EPN2: variants seen among roughly 807,000 people sequenced by gnomAD.
EPN2 encodes the protein epsin 2.
A neutral mutation model predicts 61.7 loss-of-function variants in EPN2; 34 were observed. The ratio of observed to expected loss-of-function variants is 0.55; its 90% CI spans 0.42 to 0.73. EPN2 has a LOEUF of 0.73. EPN2 is among the 30% of genes least tolerant of loss of function. The pLI, the probability that EPN2 is intolerant of heterozygous loss-of-function variation, is 0.00. For synonymous variants in EPN2, 349 were observed against 353.6 expected (o/e 0.99, Z 0.15); for missense variants, 714 against 839.2 (o/e 0.85, Z 1.84).
chr17:19,278,924 A>G (rs111781861), intron 1 of EPN2, among the ~76,000 whole-genome samples: 11 of 152,248 alleles, frequency 7.2e-5, no homozygotes, highest in Non-Finnish European at 1.6e-4. Context: ...GTCATGAACC[A>G]CCGTGCCCGG....
At position 19,334,327 on chromosome 17, in the gene EPN2, G is replaced by A; in HGVS notation, c.*73G>A. The A allele has an allele frequency of 7.9e-7, 1 of 1,273,358 alleles. No homozygotes were observed. Among genetic ancestry groups the A allele is most frequent in the Non-Finnish European group, 1.0e-6 (1 of 974,518 alleles). The allele number at this position is 1,273,358 out of a possible 1,614,324, so 78.9% of individuals were successfully genotyped here. On this transcript the variant is annotated 3_prime_UTR_variant, in exon 11 of 11. Transcript: ENST00000314728. This position sits in a 1 kb window ranked among gnomAD's most constrained non-coding sequence, Gnocchi z 4.9. ...AGCAGGGACTCTCGTCTGTGGGACG[G>A]GATCCAAGAGTTTGGGGATTAGGGG... is the stretch of plus-strand genomic sequence containing the variant.
intron 4 of EPN2, among the ~76,000 whole-genome samples, chr17:19,289,260 A>G (rs1315398687): frequency 6.6e-6 from 1 of 151,392 alleles, no homozygotes; most frequent in African/African-American, 2.4e-5. Flanking sequence ...AATTTTTTGT[A>G]TTTTTAGTAG....
At chr17:19,327,169 C>T (rs934708374) in intron 7 of EPN2, among the ~76,000 whole-genome samples, 1 of 152,088 alleles carries the variant, frequency 6.6e-6, no homozygotes, top group African/African-American at 2.4e-5. Flanking sequence ...TACCCATGAC[C>T]CAGCAACTCG....
At chr17:19,256,512 G>A (rs1169917182) in intron 1 of EPN2, among the ~76,000 whole-genome samples, 1 of 151,466 alleles carries the variant, frequency 6.6e-6, no homozygotes, top group Non-Finnish European at 1.5e-5. Flanking sequence ...TGTCTTTTTA[G>A]CATCAAGGCA....
At chr17:19,327,217 C>T (rs73980004) in intron 7 of EPN2, among the ~76,000 whole-genome samples, 5,034 of 152,182 alleles carry the variant, frequency 0.033, 286 homozygotes, top group African/African-American at 0.11. Flanking sequence ...CAAAACCAAA[C>T]GAGTATCCTT....
In EPN2 at chr17:19,312,045, T is replaced by G. The variant is rs749566908; in HGVS notation, c.880-7T>G. ...TACAATTACCAGTTTGCATTGTCCC[T>G]CTACAGGAAGAACGCCTCAGGCGGG... On this transcript the variant is annotated splice_region_variant and splice_polypyrimidine_tract_variant and intron_variant, in intron 5 of 10. Coordinates refer to ENST00000314728, the MANE Select transcript of EPN2 (RefSeq NM_014964.5). The G allele has an allele frequency of 2.5e-6, 4 of 1,605,782 alleles. No individual in the cohort carries two copies. Among genetic ancestry groups the G allele is most frequent in the African/African-American group, 1.3e-5 (1 of 74,900 alleles).
At chr17:19,287,787 C>T (rs896206586) in intron 4 of EPN2, among the ~76,000 whole-genome samples, 4 of 152,102 alleles carry the variant, frequency 2.6e-5, no homozygotes, top group East Asian at 1.9e-4. Flanking sequence ...CAGCCACAGC[C>T]GGGAAGGCCT....
chr17:19,329,615 A>T lies in EPN2; in HGVS notation c.1379A>T (p.Glu460Val), dbSNP rs766053694. Residue 460 changes from glutamate to valine, a missense_variant, in exon 9 of 11, where the codon GAA (glutamate) becomes GTA (valine). This residue lies in a region of EPN2 where 410 missense variants were observed against 421.8 expected (regional missense o/e 0.97). Transcript: ENST00000314728. ...GGTACAATTAAAGATGACTTTTCTGAATTTGACAACCTTCGGACTTCAAAA... is the reference window on the plus strand; with the variant it reads ...GGTACAATTAAAGATGACTTTTCTGTATTTGACAACCTTCGGACTTCAAAA... ...LNGTIKDDFS[E>V]FDNLRTSKKT... 1.9e-6 allele frequency: 3 copies of T among 1,613,270 alleles called. No homozygotes were observed. Among genetic ancestry groups the T allele is most frequent in the Non-Finnish European group, 2.5e-6 (3 of 1,179,252 alleles).
Position 19,331,934 on chromosome 17 carries a change from C to A in EPN2, c.1493C>A (p.Ala498Asp). 1 of 1,614,182 alleles carries A rather than the reference C, an allele frequency of 6.2e-7. No individual in the cohort carries two copies. The highest frequency in any genetic ancestry group is 1.1e-5 in the South Asian group (1 of 91,078). Residue 498 changes from alanine (A) to aspartate (D), a missense_variant, in exon 10 of 11, where the codon GCC (alanine) becomes GAC (aspartate). This residue lies in a region of EPN2 where 410 missense variants were observed against 421.8 expected (regional missense o/e 0.97). Transcript: ENST00000314728. ...DPFESQPLTVASSKPSSARKT... is the reference protein window; with the variant it reads ...DPFESQPLTVDSSKPSSARKT... ...TTTGAGTCTCAACCCCTGACTGTCG[C>A]CTCAAGCAAGCCCAGCAGTGCCCGG...
At chr17:19,248,142 G>A (rs915611847) in intron 1 of EPN2, among the ~76,000 whole-genome samples, 2 of 152,240 alleles carry the variant, frequency 1.3e-5, no homozygotes, top group African/African-American at 4.8e-5. Flanking sequence ...TTGAAGTAAT[G>A]TGGTGCGGGG....
chr17:19,269,109 A>C (rs891719102), intron 1 of EPN2, among the ~76,000 whole-genome samples: 1 of 152,224 alleles, frequency 6.6e-6, no homozygotes, highest in African/African-American at 2.4e-5. Flanking sequence ...GTTTGCACAT[A>C]TTCTCTTATA....
chr17:19,314,092 G>A (rs59972956), intron 7 of EPN2, among the ~76,000 whole-genome samples: 15 of 152,208 alleles, frequency 9.9e-5, no homozygotes, highest in African/African-American at 3.1e-4. Context: ...TGTTTAACTC[G>A]GTTCCCTAGA....
At position 19,285,164 on chromosome 17, in the gene EPN2, T is replaced by C. The variant is rs940557085; in HGVS notation, c.596-456T>C. ...CCTGTGACTGTGGCTGTGGCTTTGA[T>C]GCAGGCCAAGGGGAGCTGCCATTCT... On this transcript the variant is annotated intron_variant, in intron 3 of 10. Coordinates refer to ENST00000314728, the MANE Select transcript of EPN2 (RefSeq NM_014964.5). This position sits in a 1 kb window ranked among gnomAD's most constrained non-coding sequence, Gnocchi z 4.5. Among the ~76,000 whole-genome samples the C allele has an allele frequency of 3.3e-4, 50 of 152,372 alleles. No individual in the cohort carries two copies. Among genetic ancestry groups the C allele is most frequent in the Non-Finnish European group, 1.5e-4 (10 of 68,032 alleles).
At position 19,286,848 on chromosome 17, in the gene EPN2, G is replaced by A. The variant is rs145122466; in HGVS notation, c.766+1058G>A. Among the ~76,000 whole-genome samples the A allele has an allele frequency of 5.3e-4, 81 of 152,278 alleles. No individual in the cohort carries two copies. In the East Asian group the frequency reaches 0.01, roughly 20 times the overall value. On this transcript the variant is annotated intron_variant, in intron 4 of 10. Coordinates refer to ENST00000314728, the MANE Select transcript of EPN2 (RefSeq NM_014964.5). ...ACGTAAGGAAGGCCAGCTCTGCACTGTAAAGAATGTAAATGATAAAAGCAT... is the reference window on the plus strand; with the variant it reads ...ACGTAAGGAAGGCCAGCTCTGCACTATAAAGAATGTAAATGATAAAAGCAT...
intron 4 of EPN2, among the ~76,000 whole-genome samples, chr17:19,301,751 T>G (rs534809110): frequency 5.9e-5 from 9 of 152,342 alleles, no homozygotes; most frequent in Non-Finnish European, 1.0e-4. Context: ...TCGCCTCCTG[T>G]CAGAGCATAG....
rs749425402 is a variant in EPN2 at position 19,334,168 on chromosome 17, C to T, written c.1840C>T (p.Pro614Ser). 59 of 1,593,218 alleles carry T rather than the reference C, an allele frequency of 3.7e-5. No homozygotes were observed. Among genetic ancestry groups the T allele is most frequent in the Non-Finnish European group, 4.8e-5 (56 of 1,167,848 alleles). ...ATGSSLTPLG[P>S]AMMNMVGSVG... is the part of the protein sequence containing the mutation. ...TGGTTCCTCTCTGACACCACTGGGC[C>T]CTGCAATGATGAACATGGTGGGCAG... The change falls in exon 11 of 11, where the codon CCT (proline) becomes TCT (serine). Residue 614 changes from proline to serine, a missense_variant. Pro to Ser is a moderately conservative substitution (Grantham distance 74). Transcript: ENST00000314728. This position sits in a 1 kb window ranked among gnomAD's most constrained non-coding sequence, Gnocchi z 4.9.
At chr17:19,313,319 G>C (rs1024313685) in intron 7 of EPN2, 40 bp downstream of exon 7, 1 of 1,488,730 alleles carries the variant, frequency 6.7e-7, no homozygotes, top group African/African-American at 1.4e-5. Context: ...TTGCCTGCTG[G>C]ATGGGTGAGG....
In EPN2 at chr17:19,243,466, C is replaced by T. The variant is rs1451209425; in HGVS notation, c.-294+5935C>T. 2.1e-5 allele frequency among the ~76,000 whole-genome samples: 3 copies of T among 143,492 alleles called. No individual in the cohort carries two copies. In the East Asian group the frequency reaches 6.7e-4, roughly 32 times the overall value. The allele number at this position is 143,492 out of a possible 152,430, so 94.1% of individuals were successfully genotyped here. On this transcript the variant is annotated intron_variant, in intron 1 of 10. Coordinates refer to ENST00000314728, the MANE Select transcript of EPN2 (RefSeq NM_014964.5). ...GGAGTGCAGCGGCGCGATCTCAGCT[C>T]ACTGCAAGCTCCGCCTCCCGGGTTC...
At chr17:19,241,190 G>A (rs1019271082) in intron 1 of EPN2, among the ~76,000 whole-genome samples, 1 of 152,172 alleles carries the variant, frequency 6.6e-6, no homozygotes, top group Non-Finnish European at 1.5e-5. Flanking sequence ...GAGGGAGGTG[G>A]GGTGATATGA....
Sources: allele counts gnomAD v4.1 joint callset (sites outside exome capture counted in the v4.1 genomes callset), GRCh38; gene constraint gnomAD v4.1.1; regional missense constraint gnomAD v4.1.1; non-coding constraint Gnocchi (gnomAD v3.1); transcripts MANE v1.5; gene names NCBI Gene and HGNC (gene_info 2026-07-23, HGNC 2026-07-21).